The following GPATCH1 variants were observed in gnomAD, a reference collection of about 807,000 sequenced individuals.
The protein encoded by GPATCH1 is G patch domain-containing protein 1.
A neutral mutation model predicts 114.9 loss-of-function variants in GPATCH1; 73 were observed. The observed-to-expected ratio is 0.64, with a 90% CI of 0.53 to 0.77. The LOEUF is 0.77. GPATCH1 is among the 30% of genes least tolerant of loss of function. The pLI, the probability that GPATCH1 is intolerant of heterozygous loss-of-function variation, is 0.00. For missense variants in GPATCH1, 1,058 were observed against 1,144.3 expected (o/e 0.92, Z 1.09); for synonymous variants, 391 against 428.4 (o/e 0.91, Z 1.08).
chr19:33,110,543 AGTAAATTACAG>A (rs2048873163), intron 11 of GPATCH1, among the ~76,000 whole-genome samples: 1 of 152,190 alleles, frequency 6.6e-6, no homozygotes, highest in South Asian at 2.1e-4. Flanking sequence ...AGAGGTTATC[AGTAAATTACAG>A]GGTTGTTTTT....
chr19:33,121,305 TTTTTC>T (rs200495117), intron 17 of GPATCH1, among the ~76,000 whole-genome samples: 68 of 142,414 alleles, frequency 4.8e-4, no homozygotes, highest in African/African-American at 1.5e-3. Context: ...TGTCTTTTTC[TTTTTC>T]TTTTCTTTTC....
At chr19:33,090,945 A>C (rs1430773862) in intron 3 of GPATCH1, 80 bp downstream of exon 3, 20 of 810,582 alleles carry the variant, frequency 2.5e-5, no homozygotes, top group Non-Finnish European at 4.1e-5. Context: ...CTCTCTCCCC[A>C]GAAGGTCCAA....
At chr19:33,118,088 C>T in intron 16 of GPATCH1, 47 bp downstream of exon 16, 2 of 1,250,154 alleles carry the variant, frequency 1.6e-6, no homozygotes, top group Non-Finnish European at 2.3e-6. Context: ...AAGACAATGA[C>T]TCTAGGACAG....
chr19:33,118,264 C>T (rs1972938977), intron 16 of GPATCH1, among the ~76,000 whole-genome samples: 3 of 150,320 alleles, frequency 2.0e-5, no homozygotes, highest in East Asian at 3.9e-4. Context: ...CTGCAGCTTC[C>T]ACCTCCTGGG....
chr19:33,095,553 G>T (rs1972647244), intron 5 of GPATCH1, among the ~76,000 whole-genome samples: 1 of 151,770 alleles, frequency 6.6e-6, no homozygotes, highest in Non-Finnish European at 1.5e-5. Context: ...ATGAGCCGCT[G>T]CGCCCAGCCT....
rs1973085378 is a variant in GPATCH1, at chr19:33,130,016, T to G, written c.2766-114T>G. 4.0e-6 allele frequency: 3 copies of G among 745,162 alleles called. No individual in the cohort carries two copies. In the Admixed American group the frequency reaches 6.0e-5, roughly 15 times the overall value. The allele number at this position is 745,162 out of a possible 1,614,324, so 46.2% of individuals were successfully genotyped here. A position where few individuals can be genotyped will look rare whatever the true frequency, so the allele number is the denominator to read the frequency against. On this transcript the variant is annotated intron_variant, in intron 19 of 19. Transcript: ENST00000170564. ...GGTTATTGTGAGTGCATTTTGTAGG[T>G]GCAGACATGCTGCTGTGATATGGGG...
In GPATCH1 at chr19:33,117,954, A is replaced by G; in HGVS notation, c.2326A>G (p.Ser776Gly). 4 of 1,613,928 alleles carry G rather than the reference A, an allele frequency of 2.5e-6. No individual in the cohort carries two copies. The South Asian group carries it at 4.4e-5, about 18-fold the overall frequency. ...ATCCTCCGAGGATGAGCAAGGTGAC[A>G]GTGAAGATGATCAGGCAGGCTCTGG... ...SSSSEDEQGDSEDDQAGSGEA... is the reference protein window; with the variant it reads ...SSSSEDEQGDGEDDQAGSGEA... The change falls in exon 16 of 20, where the codon AGT (serine) becomes GGT (glycine). Residue 776 changes from serine to glycine, a missense_variant. This residue lies in a region of GPATCH1 where 893 missense variants were observed against 977.4 expected (regional missense o/e 0.91). Transcript: ENST00000170564.
At chr19:33,088,658 CTTTT>C (rs10658695) in intron 2 of GPATCH1, among the ~76,000 whole-genome samples, 1 of 96,194 alleles carries the variant, frequency 1.0e-5, no homozygotes, top group African/African-American at 4.0e-5. Context: ...GCCACCTTTG[CTTTT>C]TTTTTTTTTT....
At chr19:33,120,071 A>T (rs1599865771) in intron 17 of GPATCH1, among the ~76,000 whole-genome samples, 2 of 135,208 alleles carry the variant, frequency 1.5e-5, no homozygotes, top group Admixed American at 7.8e-5. Flanking sequence ...ATATATATAT[A>T]AAATATAAAT....
intron 19 of GPATCH1, among the ~76,000 whole-genome samples, chr19:33,127,359 A>G (rs1388107537): frequency 3.3e-5 from 5 of 151,892 alleles, no homozygotes; most frequent in Non-Finnish European, 7.4e-5. Context: ...TCTACTAAAA[A>G]TACAAAAATT....
At chr19:33,088,298 C>A in intron 2 of GPATCH1, 30 bp downstream of exon 2, 3 of 1,495,264 alleles carry the variant, frequency 2.0e-6, no homozygotes, top group East Asian at 2.3e-5. Flanking sequence ...AGCTATTATA[C>A]CATTAAAGCA....
chr19:33,111,965 T>C, intron 12 of GPATCH1, 63 bp downstream of exon 12: 3 of 1,330,332 alleles, frequency 2.3e-6, no homozygotes, highest in Admixed American at 1.9e-5. Context: ...CTAGCCAAAA[T>C]AGTTTTTTCC....
intron 17 of GPATCH1, among the ~76,000 whole-genome samples, chr19:33,119,762 G>C (rs1972956463): frequency 6.6e-6 from 1 of 151,148 alleles, no homozygotes; most frequent in African/African-American, 2.4e-5. Flanking sequence ...GCTCACACCT[G>C]TTATCCCAGC....
At chr19:33,106,603 G>T (rs1972787557) in intron 9 of GPATCH1, 92 bp from the exon 10 acceptor site, 1 of 1,050,588 alleles carries the variant, frequency 9.5e-7, no homozygotes, top group Non-Finnish European at 1.4e-6. Context: ...AAGGGGCGGG[G>T]TTAACAAGGC....
chr19:33,108,617 A>G (rs906068974), intron 10 of GPATCH1, among the ~76,000 whole-genome samples: 6 of 151,578 alleles, frequency 4.0e-5, no homozygotes, highest in African/African-American at 1.5e-4. Context: ...GCCCGCTCAC[A>G]CAAGCCCCCC....
At chr19:33,105,205 G>T (rs1255106627) in intron 9 of GPATCH1, among the ~76,000 whole-genome samples, 2 of 151,978 alleles carry the variant, frequency 1.3e-5, no homozygotes, top group African/African-American at 2.4e-5. Flanking sequence ...GCTGAGGCGG[G>T]TGGATCATTT....
At position 33,114,420 on chromosome 19, in the gene GPATCH1, G is replaced by C; in HGVS notation, c.2196+1G>C. The C allele has an allele frequency of 6.3e-7, 1 of 1,584,088 alleles. No individual in the cohort carries two copies. The highest frequency in any genetic ancestry group is 8.6e-7 in the Non-Finnish European group (1 of 1,168,846). On this transcript the variant is annotated splice_donor_variant, in intron 15 of 19. Transcript: ENST00000170564. LOFTEE classifies it high-confidence loss of function. ...TGCACCAGAATTATCCGCAAATCAG[G>C]TATTTGGGGCTTCCAGATTCTCTTT...
At chr19:33,090,242 C>T (rs1004693051) in intron 2 of GPATCH1, among the ~76,000 whole-genome samples, 8 of 152,182 alleles carry the variant, frequency 5.3e-5, no homozygotes, top group African/African-American at 9.7e-5. Flanking sequence ...CTGGCAGAGC[C>T]GCTGCCCTTG....
At chr19:33,104,701 C>G (rs1456992969) in intron 9 of GPATCH1, among the ~76,000 whole-genome samples, 1 of 152,052 alleles carries the variant, frequency 6.6e-6, no homozygotes, top group Non-Finnish European at 1.5e-5. Context: ...TGCACCTGGA[C>G]CTGAGAGCCA....
Sources: allele counts gnomAD v4.1 joint callset (sites outside exome capture counted in the v4.1 genomes callset), GRCh38; gene constraint gnomAD v4.1.1; regional missense constraint gnomAD v4.1.1; transcripts MANE v1.5; gene names NCBI Gene and HGNC (gene_info 2026-07-23, HGNC 2026-07-21).